Variants in ADARB1 observed in about 807,000 individuals in gnomAD.
ADARB1 encodes the protein double-stranded RNA-specific editase 1.
A neutral mutation model predicts 52.4 loss-of-function variants in ADARB1; 10 were observed. The ratio of observed to expected loss-of-function variants is 0.19; its 90% CI spans 0.12 to 0.32. The LOEUF (loss-of-function observed/expected upper bound fraction) is 0.32. Ranked by LOEUF, ADARB1 falls within the 10% of genes least tolerant of loss-of-function variation. The pLI, the probability that ADARB1 is intolerant of heterozygous loss-of-function variation, is 1.00. For synonymous variants in ADARB1, 349 were observed against 371.1 expected, an observed-to-expected ratio of 0.94 and a Z score of 0.68; for missense variants, 643 against 922.3, an observed-to-expected ratio of 0.70 and a Z score of 3.92.
rs1043669726 is a variant in ADARB1, at chr21:45,224,856, C to G, written c.*2659C>G. 5 of 985,738 alleles carry G rather than the reference C, an allele frequency of 5.1e-6. No individual in the cohort carries two copies. The highest frequency in any genetic ancestry group is 6.0e-6 in the Non-Finnish European group (5 of 829,938). 61.1% of individuals were successfully genotyped at this position (985,738 alleles called of 1,614,324 possible). On this transcript the variant is annotated 3_prime_UTR_variant, in exon 11 of 11. Transcript: ENST00000348831. The stretch of plus-strand genomic sequence containing the variant: ...ACGCTGACTCCTCCGTGAGACAGAT[C>G]GGGGACCTTAGCACTTTAATCCCTC...
intron 1 of ADARB1, among the ~76,000 whole-genome samples, chr21:45,082,918 C>T (rs955845512): frequency 5.3e-5 from 8 of 152,364 alleles, no homozygotes; most frequent in South Asian, 2.1e-4. Context: ...AGTCCCCCTG[C>T]GGCCTTCTTT....
intron 1 of ADARB1, among the ~76,000 whole-genome samples, chr21:45,124,159 TTGAG>T (rs2088401621): frequency 6.6e-6 from 1 of 152,200 alleles, no homozygotes; most frequent in African/African-American, 2.4e-5. Context: ...TATTATTGGA[TTGAG>T]TGTGATCACA....
chr21:45,194,330 G>T (rs1477660348), intron 8 of ADARB1, among the ~76,000 whole-genome samples: 1 of 152,184 alleles, frequency 6.6e-6, no homozygotes, highest in Admixed American at 6.5e-5. Context: ...TCTTGATGCT[G>T]CACATTGTCT....
At chr21:45,206,774 A>C (rs2092676076) in intron 9 of ADARB1, among the ~76,000 whole-genome samples, 1 of 151,970 alleles carries the variant, frequency 6.6e-6, no homozygotes, top group South Asian at 2.1e-4. Flanking sequence ...GGGTTTCACC[A>C]TGTTGACCAG....
At chr21:45,160,069 A>T (rs1050167894) in intron 2 of ADARB1, among the ~76,000 whole-genome samples, 1 of 152,240 alleles carries the variant, frequency 6.6e-6, no homozygotes, top group East Asian at 1.9e-4. Flanking sequence ...GGCTGCTGGA[A>T]GGTTGACCAC....
intron 1 of ADARB1, among the ~76,000 whole-genome samples, chr21:45,082,535 T>G (rs536623537): frequency 1.3e-5 from 2 of 152,350 alleles, no homozygotes; most frequent in South Asian, 4.1e-4. Flanking sequence ...TCCTTGTAAT[T>G]AAGTCAGTTA....
chr21:45,167,107 C>T (rs12627151), intron 2 of ADARB1, among the ~76,000 whole-genome samples: 14,009 of 152,254 alleles, frequency 0.092, 1,010 homozygotes, highest in African/African-American at 0.18. Context: ...TTGGCTTCTG[C>T]TCTGCAAGAG....
intron 1 of ADARB1, among the ~76,000 whole-genome samples, chr21:45,096,701 G>C (rs2086776589): frequency 6.6e-6 from 1 of 152,212 alleles, no homozygotes; most frequent in Non-Finnish European, 1.5e-5. Flanking sequence ...TGAGAGATGA[G>C]GGAACCTCTG....
chr21:45,180,181 ATACT>A, intron 4 of ADARB1, 145 bp from the exon 5 acceptor site: 1 of 652,834 alleles, frequency 1.5e-6, no homozygotes, highest in Non-Finnish European at 2.8e-6. Flanking sequence ...ACATACACAC[ATACT>A]TGTTTGCCAG....
chr21:45,080,919 C>T (rs115568022), intron 1 of ADARB1, among the ~76,000 whole-genome samples: 68 of 152,338 alleles, frequency 4.5e-4, no homozygotes, highest in African/African-American at 1.3e-3. Flanking sequence ...TTCAGTGAAA[C>T]ACAGTTGCCT....
rs1298451998 is a variant in ADARB1, at chr21:45,223,687, A to G, written c.*1490A>G. The G allele has an allele frequency of 3.0e-6, 3 of 985,414 alleles. No individual in the cohort carries two copies. The highest frequency in any genetic ancestry group is 1.1e-4 in the East Asian group (1 of 8,808). The allele number at this position is 985,414 out of a possible 1,614,324, so 61.0% of individuals were successfully genotyped here. On this transcript the variant is annotated 3_prime_UTR_variant, in exon 11 of 11. Transcript: ENST00000348831. ...GCACCTGTGTGTCCGTGATGAGCCT[A>G]GGAAACCAGAGCAGGGGCAGAGGGG... is the stretch of plus-strand genomic sequence containing the variant.
chr21:45,132,198 A>G (rs1314443402), intron 2 of ADARB1: 2 of 152,246 alleles, frequency 1.3e-5, no homozygotes, highest in Admixed American at 6.5e-5. Context: ...CTTTTCTGGC[A>G]TGACCCCTGT....
chr21:45,177,901 ACTTG>A (rs984946096), intron 4 of ADARB1, among the ~76,000 whole-genome samples: 5 of 152,164 alleles, frequency 3.3e-5, no homozygotes. Context: ...CGAACCAAAT[ACTTG>A]CTTCCCTTAT....
chr21:45,117,503 C>T lies in ADARB1; in HGVS notation c.-219-10899C>T, dbSNP rs1569025768. On this transcript the variant is annotated intron_variant, in intron 1 of 10. Coordinates refer to ENST00000348831, the MANE Select transcript of ADARB1 (RefSeq NM_001112.4). ...CTATAACGCAGCTGTCCCGTCACAT[C>T]CTGCATGTCAGTACAGGTAGTGCCG... 3.9e-5 allele frequency among the ~76,000 whole-genome samples: 6 copies of T among 152,056 alleles called. No individual in the cohort carries two copies. The South Asian group carries it at 1.0e-3, about 26-fold the overall frequency.
rs184417019 is a variant in ADARB1, at chr21:45,075,861, C to T, written c.-220+1068C>T. Reference sequence around the variant, plus strand: ...CCTTCTTACTAACCATTATTGCATTCCGTTCTCGAAGTATAACGAAAAGTG... The same window carrying T: ...CCTTCTTACTAACCATTATTGCATTTCGTTCTCGAAGTATAACGAAAAGTG... On this transcript the variant is annotated intron_variant, in intron 1 of 10. Coordinates refer to ENST00000348831, the MANE Select transcript of ADARB1 (RefSeq NM_001112.4). 1.9e-3 allele frequency among the ~76,000 whole-genome samples: 296 copies of T among 152,312 alleles called. 3 individuals carry two copies. The highest frequency in any genetic ancestry group is 5.7e-3 in the African/African-American group (238 of 41,564).
At chr21:45,174,143 A>G (rs2091595111) in intron 3 of ADARB1, among the ~76,000 whole-genome samples, 2 of 152,246 alleles carry the variant, frequency 1.3e-5, no homozygotes, top group African/African-American at 4.8e-5. Context: ...TTACACATGT[A>G]GTAGAAATAG....
chr21:45,175,895 AC>A lies in ADARB1; in HGVS notation c.196del (p.Arg66AlafsTer2). 1 of 1,611,350 alleles carries A rather than the reference AC, an allele frequency of 6.2e-7. No individual in the cohort carries two copies. The highest frequency in any genetic ancestry group is 8.5e-7 in the Non-Finnish European group (1 of 1,178,846). On this transcript the variant is annotated frameshift_variant, in exon 4 of 11. Transcript: ENST00000348831. LOFTEE classifies it high-confidence loss of function. ...GAGGGCAGCAATGGCCACTCCAAGTACCGCCTGAAGAAAAGGAGGAAAACAC... is the reference window on the plus strand; with the variant it reads ...GAGGGCAGCAATGGCCACTCCAAGTACGCCTGAAGAAAAGGAGGAAAACAC... ...LEEGSNGHSKYRLKKRRKTPG... is the reference protein window; with the variant it reads ...LEEGSNGHSKXRLKKRRKTPG...
intron 2 of ADARB1, among the ~76,000 whole-genome samples, chr21:45,139,541 T>G (rs2089592961): frequency 6.6e-6 from 1 of 152,202 alleles, no homozygotes; most frequent in African/African-American, 2.4e-5. Context: ...GGAGTTGAGT[T>G]TGGATCCAGC....
chr21:45,165,129 T>C (rs1411477947), intron 2 of ADARB1, among the ~76,000 whole-genome samples: 1 of 152,002 alleles, frequency 6.6e-6, no homozygotes, highest in Admixed American at 6.5e-5. Context: ...AGTCTACTAC[T>C]GTCTGTGCGA....
Sources: gnomAD v4.1 joint callset for allele counts (sites outside exome capture counted in the v4.1 genomes callset) on GRCh38, gnomAD v4.1.1 for gene constraint, MANE v1.5 for transcripts, NCBI Gene and HGNC (gene_info 2026-07-23, HGNC 2026-07-21) for gene names.